PIEZO2: variants seen among roughly 807,000 people sequenced by gnomAD.
The protein encoded by PIEZO2 is piezo type mechanosensitive ion channel component 2, also known as piezo-type mechanosensitive ion channel component 2.
Under a neutral mutation model 337.3 loss-of-function variants are expected in PIEZO2, and 172 were observed. The observed-to-expected ratio is 0.51, with a 90% CI of 0.45 to 0.58. The LOEUF (loss-of-function observed/expected upper bound fraction) is 0.58. PIEZO2 is among the 20% of genes least tolerant of loss of function. PIEZO2 has a pLI of 0.00. For missense variants in PIEZO2, 3,028 were observed against 3,391.3 expected (o/e 0.89, Z 2.66); for synonymous variants, 1,251 against 1,228.5 (o/e 1.02, Z -0.38).
intron 1 of PIEZO2, among the ~76,000 whole-genome samples, chr18:11,075,629 CAAG>C (rs1473767522): frequency 1.5e-4 from 23 of 152,262 alleles, no homozygotes; most frequent in African/African-American, 5.1e-4. Context: ...ATTATTTCTT[CAAG>C]AAGGACAATG....
chr18:10,975,384 C>T (rs142353447), intron 3 of PIEZO2, among the ~76,000 whole-genome samples: 3 of 152,050 alleles, frequency 2.0e-5, no homozygotes, highest in African/African-American at 4.8e-5. Context: ...TTTTAGTAAG[C>T]GGCACAACAT....
chr18:10,686,859 T>C (rs1300463608), intron 49 of PIEZO2, among the ~76,000 whole-genome samples: 3 of 152,118 alleles, frequency 2.0e-5, no homozygotes, highest in Non-Finnish European at 2.9e-5. Context: ...AATAAAGATA[T>C]GATCTTTATT....
At chr18:10,733,196 A>C (rs913322507) in intron 35 of PIEZO2, among the ~76,000 whole-genome samples, 12 of 152,108 alleles carry the variant, frequency 7.9e-5, no homozygotes, top group South Asian at 2.1e-4. Flanking sequence ...CCTAAAGAAG[A>C]AGCATGTCAG....
intron 4 of PIEZO2, among the ~76,000 whole-genome samples, chr18:10,886,140 C>T (rs1333513354): frequency 1.3e-5 from 2 of 150,218 alleles, no homozygotes; most frequent in Admixed American, 6.6e-5. Flanking sequence ...AAGCTCAGTC[C>T]ATATTCAGGA....
chr18:11,127,574 C>G lies in PIEZO2; in HGVS notation c.64+20951G>C, dbSNP rs1169761313. ...GCTTCCTGCCCTCGAACATCAGGCT[C>G]CAAGTTCTTCAGTTTCGAGACTCAG... is the stretch of plus-strand genomic sequence containing the variant. On this transcript the variant is annotated intron_variant, in intron 1 of 55. Coordinates refer to ENST00000674853, the MANE Select transcript of PIEZO2 (RefSeq NM_001378183.1). This position sits in a 1 kb window ranked among gnomAD's most constrained non-coding sequence, Gnocchi z 4.5. Among the ~76,000 whole-genome samples, 2 of 151,986 alleles carry G rather than the reference C, an allele frequency of 1.3e-5. No individual in the cohort carries two copies. Among genetic ancestry groups the G allele is most frequent in the African/African-American group, 4.8e-5 (2 of 41,364 alleles).
rs2042878152 is a variant in PIEZO2, at chr18:10,895,629, G to A, written c.329+15557C>T. ...GTGATTGTGGGGTTGCCTCACTCAG[G>A]ATTTGCATTGGAGTGATCCTCAGTT... On this transcript the variant is annotated intron_variant, in intron 4 of 55. Coordinates refer to ENST00000674853, the MANE Select transcript of PIEZO2 (RefSeq NM_001378183.1). The surrounding 1 kb of genome is among the most constrained non-coding windows in gnomAD (Gnocchi z 4.8). Among the ~76,000 whole-genome samples, 1 of 152,114 alleles carries A rather than the reference G, an allele frequency of 6.6e-6. No individual in the cohort carries two copies. The highest frequency in any genetic ancestry group is 1.9e-4 in the East Asian group (1 of 5,174).
intron 3 of PIEZO2, among the ~76,000 whole-genome samples, chr18:10,944,507 C>A (rs866414401): frequency 4.8e-5 from 1 of 20,692 alleles, no homozygotes. Context: ...ATATATATAT[C>A]TTAGTAACAG....
chr18:10,714,732 A>G (rs2035945588), intron 39 of PIEZO2, 32 bp downstream of exon 39: 2 of 1,532,588 alleles, frequency 1.3e-6, no homozygotes, highest in East Asian at 4.9e-5. Context: ...TACCTTTGTC[A>G]AAAGTAAACC....
Position 10,863,884 on chromosome 18 carries a change from A to ACACACACACACACACACC in PIEZO2, c.493-6674_493-6673insGGTGTGTGTGTGTGTGTG, listed in dbSNP as rs1441752436. ...CAAATCAGCAGTCACACACACACAC[A>ACACACACACACACACACC]CCTATATCATCCACTCAGTTCACAT... On this transcript the variant is annotated intron_variant, in intron 5 of 55. Coordinates refer to ENST00000674853, the MANE Select transcript of PIEZO2 (RefSeq NM_001378183.1). This position sits in a 1 kb window ranked among gnomAD's most constrained non-coding sequence, Gnocchi z 4.3. 1.1e-4 allele frequency among the ~76,000 whole-genome samples: 16 copies of ACACACACACACACACACC among 151,888 alleles called. No individual in the cohort carries two copies. The highest frequency in any genetic ancestry group is 3.9e-4 in the African/African-American group (16 of 41,326).
chr18:10,754,737 T>G (rs550066131), intron 27 of PIEZO2, among the ~76,000 whole-genome samples: 1 of 152,208 alleles, frequency 6.6e-6, no homozygotes, highest in Non-Finnish European at 1.5e-5. Context: ...CAAGTCTGTA[T>G]AGCATATTGT....
chr18:10,723,786 C>A (rs1344628632), intron 36 of PIEZO2, among the ~76,000 whole-genome samples: 2 of 152,152 alleles, frequency 1.3e-5, no homozygotes, highest in Non-Finnish European at 2.9e-5. Flanking sequence ...AGATAGGGGA[C>A]AAGGCAGAGA....
intron 2 of PIEZO2, among the ~76,000 whole-genome samples, chr18:11,036,683 C>T (rs760021091): frequency 6.6e-6 from 1 of 151,824 alleles, no homozygotes; most frequent in African/African-American, 2.4e-5. Context: ...CCAATGTAAC[C>T]GATATGGCTC....
intron 52 of PIEZO2, 144 bp from the exon 53 acceptor site, chr18:10,678,019 A>G: frequency 1.3e-6 from 1 of 767,304 alleles, no homozygotes; most frequent in Admixed American, 3.4e-5. Context: ...CTTTCAGTCT[A>G]CTTCACCTCA....
intron 3 of PIEZO2, among the ~76,000 whole-genome samples, chr18:10,968,778 T>C (rs866501063): frequency 6.6e-6 from 1 of 152,212 alleles, no homozygotes. Flanking sequence ...ACGTTTGATA[T>C]AATATTAATG....
chr18:10,882,473 A>C (rs1392211002), intron 4 of PIEZO2, among the ~76,000 whole-genome samples: 1 of 152,248 alleles, frequency 6.6e-6, no homozygotes, highest in Non-Finnish European at 1.5e-5. Context: ...TTTAGTAAGG[A>C]CATTAAAAAT....
chr18:11,046,931 A>G (rs1598878366), intron 2 of PIEZO2, among the ~76,000 whole-genome samples: 1 of 152,292 alleles, frequency 6.6e-6, no homozygotes, highest in Non-Finnish European at 1.5e-5. Flanking sequence ...TATTGCTCCA[A>G]AACTTGTCTT....
In PIEZO2 at chr18:10,762,973, C is replaced by G. The variant is rs111367812; in HGVS notation, c.3072G>C (p.Leu1024Phe). The G allele has an allele frequency of 6.5e-7, 1 of 1,537,284 alleles. No individual in the cohort carries two copies. The highest frequency in any genetic ancestry group is 8.7e-7 in the Non-Finnish European group (1 of 1,146,934). ...CAGGCTTAATGGTTTGGAGCTGGTA[C>G]AACATTTTGCAGACGATGATCACAC... ...WTCVIIVCKM[L>F]YQLQTIKPEN... Residue 1024 changes from leucine (L) to phenylalanine (F), a missense_variant, in exon 22 of 56, where the codon TTG becomes TTC. Transcript: ENST00000674853.
rs757411114 is a variant in PIEZO2, at chr18:11,021,077, A to G, written c.161-41417T>C. ...TCACTGTAGGAAGTGACTTGTCTGGAGCTAGGAAGACGGATGCAAACTCCA... is the reference window on the plus strand; with the variant it reads ...TCACTGTAGGAAGTGACTTGTCTGGGGCTAGGAAGACGGATGCAAACTCCA... On this transcript the variant is annotated intron_variant, in intron 2 of 55. Transcript: ENST00000674853. The surrounding 1 kb of genome is among the most constrained non-coding windows in gnomAD (Gnocchi z 4.7). 1.5e-4 allele frequency among the ~76,000 whole-genome samples: 23 copies of G among 152,322 alleles called. No homozygotes were observed. The Middle Eastern group carries it at 0.02, about 135-fold the overall frequency.
intron 5 of PIEZO2, among the ~76,000 whole-genome samples, chr18:10,857,973 G>A (rs536050673): frequency 6.6e-6 from 1 of 150,830 alleles, no homozygotes; most frequent in Non-Finnish European, 1.5e-5. Context: ...CCCTAGAAGG[G>A]TTACGACTTT....
Sources: gnomAD v4.1 joint callset for allele counts (sites outside exome capture counted in the v4.1 genomes callset) on GRCh38, gnomAD v4.1.1 for gene constraint, Gnocchi (gnomAD v3.1) non-coding constraint, MANE v1.5 for transcripts, NCBI Gene and HGNC (gene_info 2026-07-23, HGNC 2026-07-21) for gene names.